The following ABI3BP variants were observed in gnomAD, a reference collection of about 807,000 sequenced individuals.
ABI3BP encodes the protein ABI family member 3 binding protein, also known as target of Nesh-SH3.
Under a neutral mutation model 268.6 loss-of-function variants are expected in ABI3BP, and 216 were observed. The observed-to-expected ratio is 0.80, with a 90% confidence interval of 0.72 to 0.90. The LOEUF (loss-of-function observed/expected upper bound fraction) is 0.90, where lower values mean the gene tolerates loss of function less well. ABI3BP is among the 40% of genes least tolerant of loss of function. The probability of loss-of-function intolerance (pLI) is 0.00; values close to 1 mark genes in which losing one functional copy is unlikely to be tolerated. For missense variants in ABI3BP, 2,090 were observed against 2,182.4 expected, an observed-to-expected ratio of 0.96 and a Z score of 0.84; for synonymous variants, 730 against 730.0, an observed-to-expected ratio of 1.00 and a Z score of 0.00.
intron 4 of ABI3BP, among the ~76,000 whole-genome samples, chr3:100,894,505 C>T (rs2046230333): frequency 2.0e-5 from 3 of 152,088 alleles, no homozygotes; most frequent in Admixed American, 6.5e-5. Flanking sequence ...GCAAGACAGA[C>T]AGGTAACAAG....
chr3:100,821,145 T>C lies in ABI3BP; in HGVS notation c.2888-32A>G, dbSNP rs753785308. Reference sequence around the variant, plus strand: ...AAAAGCATTAAAATTAACCAAATGATTATTTTAAATGAATGTAAACTCAAA... The same window carrying C: ...AAAAGCATTAAAATTAACCAAATGACTATTTTAAATGAATGTAAACTCAAA... On this transcript the variant is annotated intron_variant, in intron 38 of 67. Transcript: ENST00000471714. 6 of 1,517,606 alleles carry C rather than the reference T, an allele frequency of 4.0e-6. No homozygotes were observed. The South Asian group carries it at 6.0e-5, about 15-fold the overall frequency. The allele number at this position is 1,517,606 out of a possible 1,614,324, so 94.0% of individuals were successfully genotyped here. A position where few individuals can be genotyped will look rare whatever the true frequency, so the allele number is the denominator to read the frequency against.
chr3:100,767,050 C>T (rs2096304962), intron 62 of ABI3BP, among the ~76,000 whole-genome samples: 1 of 152,126 alleles, frequency 6.6e-6, no homozygotes, highest in African/African-American at 2.4e-5. Context: ...GCAACCTCCG[C>T]CTCCCGGGGT....
At chr3:100,814,342 A>G (rs770359082) in intron 44 of ABI3BP, among the ~76,000 whole-genome samples, 2 of 152,096 alleles carry the variant, frequency 1.3e-5, no homozygotes, top group Non-Finnish European at 2.9e-5. Context: ...AAAATGTTGA[A>G]TATCATCTAG....
At chr3:100,750,704 G>T (rs1344657739) in intron 67 of ABI3BP, 94 bp from the exon 68 acceptor site, 5 of 802,836 alleles carry the variant, frequency 6.2e-6, no homozygotes, top group Non-Finnish European at 9.8e-6. Context: ...CTAGCTGAAG[G>T]CTAATCTTAG....
chr3:100,874,188 T>C (rs1581445771), intron 9 of ABI3BP, among the ~76,000 whole-genome samples: 2 of 151,492 alleles, frequency 1.3e-5, no homozygotes, highest in Admixed American at 1.3e-4. Flanking sequence ...GGAGGTGGGT[T>C]GGTGGTGGGG....
chr3:100,963,738 C>T (rs1409683204), intron 1 of ABI3BP, among the ~76,000 whole-genome samples: 6 of 152,172 alleles, frequency 3.9e-5, no homozygotes, highest in Non-Finnish European at 8.8e-5. Context: ...CTGTTATTTC[C>T]ATCCACTTAC....
intron 44 of ABI3BP, among the ~76,000 whole-genome samples, chr3:100,815,554 G>A (rs2098011103): frequency 6.6e-6 from 1 of 152,086 alleles, no homozygotes; most frequent in African/African-American, 2.4e-5. Context: ...TAGAAACTAA[G>A]TTACTCAAAG....
intron 63 of ABI3BP, 112 bp from the exon 64 acceptor site, chr3:100,754,803 A>C: frequency 1.2e-6 from 1 of 859,162 alleles, no homozygotes; most frequent in Non-Finnish European, 1.9e-6. Flanking sequence ...AAATTATGAC[A>C]GTGAATGGTA....
At chr3:100,846,277 C>G in intron 20 of ABI3BP, 95 bp downstream of exon 20, 1 of 891,576 alleles carries the variant, frequency 1.1e-6, no homozygotes, top group South Asian at 1.8e-5. Context: ...TAACAAATGT[C>G]AAAATATAAA....
chr3:100,780,509 A>G (rs2096836684), intron 57 of ABI3BP, among the ~76,000 whole-genome samples: 1 of 152,070 alleles, frequency 6.6e-6, no homozygotes, highest in South Asian at 2.1e-4. Flanking sequence ...ACCAGGTGGG[A>G]TTTCATTTAT....
intron 10 of ABI3BP, among the ~76,000 whole-genome samples, chr3:100,865,442 A>G (rs2099040511): frequency 6.6e-6 from 1 of 152,224 alleles, no homozygotes; most frequent in Non-Finnish European, 1.5e-5. Flanking sequence ...TTATGATCAG[A>G]ATTTAAATGC....
At chr3:100,843,462 A>T (rs1460414101) in intron 20 of ABI3BP, among the ~76,000 whole-genome samples, 2 of 144,060 alleles carry the variant, frequency 1.4e-5, no homozygotes, top group South Asian at 2.4e-4. Flanking sequence ...GAGGAGGGAG[A>T]GTGTGTGTAT....
intron 1 of ABI3BP, among the ~76,000 whole-genome samples, chr3:100,963,078 T>C (rs1390579496): frequency 1.3e-5 from 2 of 152,206 alleles, no homozygotes; most frequent in African/African-American, 4.8e-5. Flanking sequence ...TGGTAATACT[T>C]ATTCTGGGTC....
intron 4 of ABI3BP, among the ~76,000 whole-genome samples, chr3:100,888,101 G>A (rs1376861375): frequency 2.0e-5 from 3 of 152,052 alleles, no homozygotes; most frequent in Admixed American, 2.0e-4. Context: ...ACAAACCACT[G>A]AAAGGCTTGC....
chr3:100,940,786 C>A lies in ABI3BP; in HGVS notation c.80-14305G>T, dbSNP rs535379506. Among the ~76,000 whole-genome samples, 32 of 10,144 alleles carry A rather than the reference C, an allele frequency of 3.2e-3. No individual in the cohort carries two copies. In the South Asian group the frequency reaches 0.099, roughly 31 times the overall value. 6.7% of individuals were successfully genotyped at this position (10,144 alleles called of 152,430 possible). On this transcript the variant is annotated intron_variant, in intron 1 of 67. Coordinates refer to ENST00000471714, the MANE Select transcript of ABI3BP (RefSeq NM_001375547.2). ...CTCATTTACAAAGGAAATTACTTCACTATATATATATATATATATATATAT... is the reference window on the plus strand; with the variant it reads ...CTCATTTACAAAGGAAATTACTTCAATATATATATATATATATATATATAT...
chr3:100,869,266 A>T (rs1038461903), intron 9 of ABI3BP, among the ~76,000 whole-genome samples: 6 of 145,086 alleles, frequency 4.1e-5, no homozygotes, highest in Non-Finnish European at 9.0e-5. Context: ...AGACAGAGAC[A>T]TTTATATTCT....
intron 2 of ABI3BP, among the ~76,000 whole-genome samples, chr3:100,921,515 TAA>T (rs146034359): frequency 2.1e-5 from 3 of 141,914 alleles, no homozygotes. Context: ...ATGATGTGAG[TAA>T]AAAAAAAAAA....
At chr3:100,797,073 GT>G (rs1173975660) in intron 51 of ABI3BP, among the ~76,000 whole-genome samples, 2 of 152,030 alleles carry the variant, frequency 1.3e-5, no homozygotes, top group Non-Finnish European at 2.9e-5. Flanking sequence ...AATGATAGCT[GT>G]TGCCATTTTT....
At chr3:100,946,721 G>A (rs1342226755) in intron 1 of ABI3BP, among the ~76,000 whole-genome samples, 2 of 151,672 alleles carry the variant, frequency 1.3e-5, no homozygotes, top group Non-Finnish European at 2.9e-5. Context: ...CCAGGAGGCA[G>A]AGGTTGCGGT....
Sources: gnomAD v4.1 joint callset for allele counts (sites outside exome capture counted in the v4.1 genomes callset) on GRCh38, gnomAD v4.1.1 for gene constraint, MANE v1.5 for transcripts, NCBI Gene and HGNC (gene_info 2026-07-23, HGNC 2026-07-21) for gene names.